LPCAT2: variants seen among roughly 807,000 people sequenced by gnomAD.
The protein encoded by LPCAT2 is lysophosphatidylcholine acyltransferase 2.
In LPCAT2, 58 loss-of-function variants were observed where a neutral mutation model predicts 64.7. That is an observed-to-expected ratio of 0.90 (90% confidence interval 0.73 to 1.12). LPCAT2 has a LOEUF of 1.12. Among genes scored for constraint, LPCAT2 ranks in the 50% most tolerant of loss-of-function variants. The pLI, the probability that LPCAT2 is intolerant of heterozygous loss-of-function variation, is 0.00. For missense variants in LPCAT2, 579 were observed against 669.8 expected (o/e 0.86, Z 1.50); for synonymous variants, 252 against 245.3 (o/e 1.03, Z -0.26).
chr16:55,525,452 TAGCCA>T (rs1327095680), intron 1 of LPCAT2, 51 bp from the exon 2 acceptor site: 2 of 1,501,026 alleles, frequency 1.3e-6, no homozygotes, highest in East Asian at 4.6e-5. Context: ...TTCTGTTTGA[TAGCCA>T]TGAATTAAAA....
chr16:55,568,285 C>T (rs1963730279), intron 11 of LPCAT2, among the ~76,000 whole-genome samples: 1 of 152,200 alleles, frequency 6.6e-6, no homozygotes, highest in Non-Finnish European at 1.5e-5. Context: ...CTTACACGTA[C>T]TTCATACAAA....
intron 4 of LPCAT2, among the ~76,000 whole-genome samples, chr16:55,530,933 C>G (rs1963245037): frequency 6.6e-6 from 1 of 152,118 alleles, no homozygotes; most frequent in Non-Finnish European, 1.5e-5. Flanking sequence ...AGAAAGAAAT[C>G]AAGCATTAGA....
At chr16:55,550,476 TAAGTA>T (rs1963503690) in intron 10 of LPCAT2, among the ~76,000 whole-genome samples, 1 of 152,250 alleles carries the variant, frequency 6.6e-6, no homozygotes, top group Non-Finnish European at 1.5e-5. Flanking sequence ...ATGGACTCAC[TAAGTA>T]ATGTTTAGAT....
At chr16:55,511,182 T>G (rs1962926978) in intron 1 of LPCAT2, among the ~76,000 whole-genome samples, 1 of 152,222 alleles carries the variant, frequency 6.6e-6, no homozygotes, top group South Asian at 2.1e-4. Context: ...ATCTTAATAT[T>G]GATAATATTG....
rs1432467110 is a variant in LPCAT2 at position 55,585,854 on chromosome 16, A to C, written c.*2756A>C. 1 of 152,066 alleles carries C rather than the reference A, an allele frequency of 6.6e-6. No individual in the cohort carries two copies. Among genetic ancestry groups the C allele is most frequent in the Non-Finnish European group, 1.5e-5 (1 of 68,002 alleles). The allele number at this position is 152,066 out of a possible 1,614,324, so 9.4% of individuals were successfully genotyped here. On this transcript the variant is annotated 3_prime_UTR_variant, in exon 14 of 14. Transcript: ENST00000262134. ...AGCTCTTTGATTCCCAGAATCAAGA[A>C]CTCTCCCCTTCAGACTATTACCGAA...
chr16:55,519,202 T>G (rs1963056437), intron 1 of LPCAT2, among the ~76,000 whole-genome samples: 1 of 151,946 alleles, frequency 6.6e-6, no homozygotes, highest in Admixed American at 6.6e-5. Flanking sequence ...AGACCTGCAT[T>G]CAAGAAATGG....
Position 55,583,126 on chromosome 16 carries a change from A to G in LPCAT2, c.*28A>G. The G allele has an allele frequency of 1.3e-6, 2 of 1,545,544 alleles. No homozygotes were observed. Among genetic ancestry groups the G allele is most frequent in the Non-Finnish European group, 1.8e-6 (2 of 1,136,362 alleles). On this transcript the variant is annotated 3_prime_UTR_variant, in exon 14 of 14. Transcript: ENST00000262134. ...GCAGTATTTCCAATAAGGAAAACAC[A>G]GTAGCTTTTGCTTGAAATTGTAAAG...
intron 1 of LPCAT2, among the ~76,000 whole-genome samples, chr16:55,524,488 G>A (rs912162609): frequency 6.6e-6 from 1 of 151,878 alleles, no homozygotes; most frequent in African/African-American, 2.4e-5. Context: ...GGTTACATGA[G>A]TATATATTTA....
chr16:55,561,677 A>G (rs1963638293), intron 11 of LPCAT2, among the ~76,000 whole-genome samples: 1 of 152,038 alleles, frequency 6.6e-6, no homozygotes, highest in Non-Finnish European at 1.5e-5. Flanking sequence ...GCAATATTAT[A>G]AAAACAAAGT....
At chr16:55,554,166 A>G (rs1000173844) in intron 11 of LPCAT2, among the ~76,000 whole-genome samples, 1 of 152,182 alleles carries the variant, frequency 6.6e-6, no homozygotes, top group African/African-American at 2.4e-5. Flanking sequence ...ATTGACTTCA[A>G]CTTAAAGCCA....
At chr16:55,532,933 A>G in intron 6 of LPCAT2, 51 bp downstream of exon 6, 1 of 1,449,128 alleles carries the variant, frequency 6.9e-7, no homozygotes, top group Non-Finnish European at 9.7e-7. Flanking sequence ...CAAGTAGCAC[A>G]GATTCTCTGG....
intron 11 of LPCAT2, chr16:55,566,755 G>A: frequency 6.2e-7 from 1 of 1,600,840 alleles, no homozygotes. Context: ...TAAACTGAAA[G>A]CATGTTTCTT....
intron 12 of LPCAT2, 117 bp downstream of exon 12, chr16:55,574,846 T>C: frequency 1.3e-6 from 1 of 741,114 alleles, no homozygotes. Context: ...TGCTGTGACA[T>C]GTACAGGACA....
At chr16:55,529,475 T>G (rs138167563) in intron 3 of LPCAT2, among the ~76,000 whole-genome samples, 1 of 152,296 alleles carries the variant, frequency 6.6e-6, no homozygotes, top group African/African-American at 2.4e-5. Context: ...TTACTCCTAC[T>G]TATGTGTACT....
At chr16:55,562,686 A>G (rs1451585896) in intron 11 of LPCAT2, among the ~76,000 whole-genome samples, 1 of 151,944 alleles carries the variant, frequency 6.6e-6, no homozygotes, top group Non-Finnish European at 1.5e-5. Flanking sequence ...CTAAGTACTG[A>G]GCCCAAGTCC....
intron 12 of LPCAT2, among the ~76,000 whole-genome samples, chr16:55,578,588 C>T (rs547518893): frequency 6.6e-6 from 1 of 152,268 alleles, no homozygotes; most frequent in South Asian, 2.1e-4. Flanking sequence ...CAACCTCTTG[C>T]TCCCAATTCA....
rs893023002 is a variant in LPCAT2, at chr16:55,542,059, T to C, written c.853-3676T>C. The C allele has an allele frequency of 1.7e-5, 16 of 934,540 alleles. No homozygotes were observed. The African/African-American group carries it at 2.6e-4, about 15-fold the overall frequency. The allele number at this position is 934,540 out of a possible 1,614,324, so 57.9% of individuals were successfully genotyped here. A position where few individuals can be genotyped will look rare whatever the true frequency, so the allele number is the denominator to read the frequency against. The stretch of plus-strand genomic sequence containing the variant: ...TCAATCTTCCTCATCATTTTTTTAG[T>C]AGAAAGGAATGTGCTTGATGTAGTC... On this transcript the variant is annotated intron_variant, in intron 8 of 13. Coordinates refer to ENST00000262134, the MANE Select transcript of LPCAT2 (RefSeq NM_017839.5).
At position 55,541,763 on chromosome 16, in the gene LPCAT2, G is replaced by C. The variant is rs528771453; in HGVS notation, c.853-3972G>C. ...CAGAAAATTTATAGAGTTTTGAGGA[G>C]TAATAAAGTTACTTATGTGCTGGCA... On this transcript the variant is annotated intron_variant, in intron 8 of 13. Coordinates refer to ENST00000262134, the MANE Select transcript of LPCAT2 (RefSeq NM_017839.5). The C allele has an allele frequency of 2.3e-4, 177 of 771,432 alleles. 2 individuals carry two copies. In the South Asian group the frequency reaches 2.9e-3, roughly 12 times the overall value. The allele number at this position is 771,432 out of a possible 1,614,324, so 47.8% of individuals were successfully genotyped here.
chr16:55,525,526 A>G lies in LPCAT2; in HGVS notation c.190A>G (p.Ile64Val), dbSNP rs1272554410. Residue 64 changes from isoleucine to valine, a missense_variant, in exon 2 of 14, where the codon ATC (isoleucine) becomes GTC (valine). By Grantham distance (29) the Ile-to-Val change is conservative. Coordinates refer to ENST00000262134, the MANE Select transcript of LPCAT2 (RefSeq NM_017839.5). ...CTTTCAGATTGTCCTTCTTGGGATTATCTTGCTTCCAATTCGTGTCTTATT... is the reference window on the plus strand; with the variant it reads ...CTTTCAGATTGTCCTTCTTGGGATTGTCTTGCTTCCAATTCGTGTCTTATT... ...RRVQIVLLGI[I>V]LLPIRVLLVA... is the part of the protein sequence containing the mutation. 6.2e-7 allele frequency: 1 copy of G among 1,607,784 alleles called. No individual in the cohort carries two copies. The highest frequency in any genetic ancestry group is 1.1e-5 in the South Asian group (1 of 89,806).
Sources: gnomAD v4.1 joint callset for allele counts (sites outside exome capture counted in the v4.1 genomes callset) on GRCh38, gnomAD v4.1.1 for gene constraint, MANE v1.5 for transcripts, NCBI Gene and HGNC (gene_info 2026-07-23, HGNC 2026-07-21) for gene names.